Variants in IQCM observed in about 807,000 individuals in gnomAD.
IQCM encodes the protein IQ motif containing M, also known as IQ domain-containing protein M.
IQCM carries 45 observed loss-of-function variants against 57.6 expected under a neutral mutation model. The observed-to-expected ratio is 0.78, with a 90% confidence interval of 0.62 to 1.00. IQCM has a LOEUF of 1.00. Among genes scored for constraint, IQCM ranks in the 50% least tolerant of loss-of-function variants. The pLI is 0.00. For synonymous variants in IQCM, 148 were observed against 158.9 expected, an observed-to-expected ratio of 0.93 and a Z score of 0.51; for missense variants, 468 against 511.6, an observed-to-expected ratio of 0.91 and a Z score of 0.82.
At chr4:149,373,489 C>A (rs1422521207) in intron 13 of IQCM, among the ~76,000 whole-genome samples, 2 of 152,072 alleles carry the variant, frequency 1.3e-5, no homozygotes, top group African/African-American at 4.8e-5. Context: ...AACGAAGGTT[C>A]ACAGAGGTTA....
chr4:149,665,879 T>A (rs975961286), intron 7 of IQCM, among the ~76,000 whole-genome samples: 1 of 152,056 alleles, frequency 6.6e-6, no homozygotes, highest in African/African-American at 2.4e-5. Flanking sequence ...GGCCACCACA[T>A]TTCTCCCACG....
chr4:149,496,068 G>A (rs557250795), intron 12 of IQCM, among the ~76,000 whole-genome samples: 14 of 152,084 alleles, frequency 9.2e-5, no homozygotes, highest in Non-Finnish European at 1.6e-4. Context: ...GCCTTTGTAC[G>A]GGGAAGTGGG....
At position 149,726,853 on chromosome 4, in the gene IQCM, C is replaced by G. The variant is rs900287405; in HGVS notation, c.385+6391G>C. 2.6e-5 allele frequency among the ~76,000 whole-genome samples: 4 copies of G among 151,970 alleles called. No homozygotes were observed. In the East Asian group the frequency reaches 7.7e-4, roughly 29 times the overall value. ...CCCAGCTAGAGTGCAGTGGTGCAAT[C>G]TCGGCTCACTGCAGCCTCCGCCTCC... On this transcript the variant is annotated intron_variant, in intron 5 of 13. Transcript: ENST00000636793.
intron 5 of IQCM, among the ~76,000 whole-genome samples, chr4:149,699,873 C>T (rs923633161): frequency 6.6e-5 from 10 of 151,988 alleles, no homozygotes; most frequent in Middle Eastern, 3.4e-3. Flanking sequence ...TTACAAAGCA[C>T]TTGCTTTCCC....
intron 7 of IQCM, among the ~76,000 whole-genome samples, chr4:149,624,371 A>G (rs1000923328): frequency 1.3e-5 from 2 of 152,162 alleles, no homozygotes; most frequent in African/African-American, 4.8e-5. Context: ...ACTTTCTAGC[A>G]TCATCTTGAC....
rs185317543 is a variant in IQCM at position 149,627,954 on chromosome 4, G to A, written c.566-6710C>T. Among the ~76,000 whole-genome samples, 228 of 152,290 alleles carry A rather than the reference G, an allele frequency of 1.5e-3. 3 individuals are homozygous for A. Among genetic ancestry groups the A allele is most frequent in the African/African-American group, 5.3e-3 (219 of 41,564 alleles). On this transcript the variant is annotated intron_variant, in intron 7 of 13. Transcript: ENST00000636793. The stretch of plus-strand genomic sequence containing the variant: ...AAGGGCTCATAAGTCAAGGAATGCA[G>A]GTGGCCTCCAGAAGCTGGAAAAGGC...
intron 13 of IQCM, among the ~76,000 whole-genome samples, chr4:149,392,978 T>C (rs190926951): frequency 2.4e-4 from 36 of 152,102 alleles, no homozygotes; most frequent in Admixed American, 1.7e-3. Flanking sequence ...GACACCAGCC[T>C]GGGCAATAAA....
chr4:149,639,661 C>T (rs1758019339), intron 7 of IQCM, among the ~76,000 whole-genome samples: 1 of 152,050 alleles, frequency 6.6e-6, no homozygotes, highest in Admixed American at 6.5e-5. Context: ...TGGCTCATGC[C>T]TATAATCCCA....
At chr4:149,732,524 C>A (rs1433770215) in intron 5 of IQCM, among the ~76,000 whole-genome samples, 1 of 152,192 alleles carries the variant, frequency 6.6e-6, no homozygotes, top group Non-Finnish European at 1.5e-5. Flanking sequence ...CACCATTACT[C>A]TCTGAGCCTT....
At chr4:149,380,219 C>T (rs972197779) in intron 13 of IQCM, among the ~76,000 whole-genome samples, 1 of 148,252 alleles carries the variant, frequency 6.7e-6, no homozygotes, top group Admixed American at 6.7e-5. Flanking sequence ...TGAATGTGCT[C>T]GTGTGTGTGT....
chr4:149,456,050 C>A (rs1737668174), intron 12 of IQCM, among the ~76,000 whole-genome samples: 1 of 151,148 alleles, frequency 6.6e-6, no homozygotes, highest in African/African-American at 2.4e-5. Flanking sequence ...GGCTGAGATC[C>A]CTATTAAAAA....
chr4:149,631,755 A>G (rs2150094786), intron 7 of IQCM, among the ~76,000 whole-genome samples: 1 of 152,318 alleles, frequency 6.6e-6, no homozygotes, highest in South Asian at 2.1e-4. Context: ...CCTGACTCAC[A>G]TACTGCCACC....
At chr4:149,774,222 A>G (rs1770854265) in intron 2 of IQCM, among the ~76,000 whole-genome samples, 1 of 152,172 alleles carries the variant, frequency 6.6e-6, no homozygotes, top group South Asian at 2.1e-4. Context: ...AAAAAAACAC[A>G]TAACATAAAA....
chr4:149,799,617 G>C (rs1773422988), intron 2 of IQCM, among the ~76,000 whole-genome samples: 1 of 151,414 alleles, frequency 6.6e-6, no homozygotes, highest in African/African-American at 2.4e-5. Context: ...AAAGAAGATA[G>C]AAGTAAAATC....
chr4:149,572,888 A>G (rs1751296200), intron 9 of IQCM, among the ~76,000 whole-genome samples: 1 of 152,010 alleles, frequency 6.6e-6, no homozygotes, highest in Admixed American at 6.6e-5. Context: ...CATTTCCAAC[A>G]TTATTCTCAA....
intron 7 of IQCM, among the ~76,000 whole-genome samples, chr4:149,647,007 TTG>T (rs1193182818): frequency 3.3e-5 from 5 of 152,282 alleles, no homozygotes; most frequent in Admixed American, 6.5e-5. Context: ...TAATAATTTT[TTG>T]TGTGTGTTCA....
At chr4:149,775,282 A>G (rs1160212841) in intron 2 of IQCM, among the ~76,000 whole-genome samples, 1 of 152,158 alleles carries the variant, frequency 6.6e-6, no homozygotes, top group Non-Finnish European at 1.5e-5. Context: ...ATGTCTCACA[A>G]TATGACCCAG....
intron 13 of IQCM, among the ~76,000 whole-genome samples, chr4:149,400,589 T>A (rs1460026049): frequency 6.6e-6 from 1 of 152,020 alleles, no homozygotes; most frequent in Non-Finnish European, 1.5e-5. Context: ...AACTTGTAGT[T>A]GAGAATATGA....
At chr4:149,448,833 C>G (rs1257767028) in intron 12 of IQCM, among the ~76,000 whole-genome samples, 2 of 151,730 alleles carry the variant, frequency 1.3e-5, no homozygotes, top group Non-Finnish European at 2.9e-5. Flanking sequence ...TGTGGTTAAG[C>G]ACCTTCCCAC....
Sources: gnomAD v4.1 joint callset for allele counts (sites outside exome capture counted in the v4.1 genomes callset) on GRCh38, gnomAD v4.1.1 for gene constraint, MANE v1.5 for transcripts, NCBI Gene and HGNC (gene_info 2026-07-23, HGNC 2026-07-21) for gene names.